MCTP1: variants seen among roughly 807,000 people sequenced by gnomAD.
The protein encoded by MCTP1 is multiple C2 and transmembrane domain containing 1.
Under a neutral mutation model 120.6 loss-of-function variants are expected in MCTP1, and 69 were observed. That is an observed-to-expected ratio of 0.57 (90% confidence interval 0.47 to 0.70). The LOEUF is 0.70. Ranked by LOEUF, MCTP1 falls within the 30% of genes least tolerant of loss-of-function variation. MCTP1 has a pLI of 0.00. For synonymous variants in MCTP1, 529 were observed against 493.1 expected (o/e 1.07, Z -0.96); for missense variants, 1,203 against 1,248.8 (o/e 0.96, Z 0.55).
At chr5:94,757,088 A>G (rs775347596) in intron 19 of MCTP1, among the ~76,000 whole-genome samples, 55 of 152,276 alleles carry the variant, frequency 3.6e-4, no homozygotes, top group Admixed American at 1.6e-3. Context: ...GACAGAACCT[A>G]CCTAATAGAG....
At chr5:94,927,707 A>G (rs1561872149) in intron 6 of MCTP1, among the ~76,000 whole-genome samples, 1 of 152,194 alleles carries the variant, frequency 6.6e-6, no homozygotes, top group African/African-American at 2.4e-5. Flanking sequence ...CGTTAGTTAA[A>G]TTAAAGCACT....
At chr5:95,004,915 C>A (rs1311644072) in intron 2 of MCTP1, among the ~76,000 whole-genome samples, 2 of 152,160 alleles carry the variant, frequency 1.3e-5, no homozygotes. Context: ...AGAGGGCAAC[C>A]AGACTCCAGA....
intron 18 of MCTP1, among the ~76,000 whole-genome samples, chr5:94,786,752 T>C (rs1777799790): frequency 6.7e-6 from 1 of 150,372 alleles, no homozygotes; most frequent in Non-Finnish European, 1.5e-5. Flanking sequence ...TTAGGTAAGA[T>C]TTATGTTGAT....
chr5:95,161,726 A>T (rs991810424), intron 1 of MCTP1, among the ~76,000 whole-genome samples: 3 of 152,288 alleles, frequency 2.0e-5, no homozygotes, highest in Admixed American at 2.0e-4. Flanking sequence ...TAAAAATAAA[A>T]TTTAAAAAAA....
chr5:94,791,366 G>C (rs988577445), intron 18 of MCTP1, among the ~76,000 whole-genome samples: 1 of 151,780 alleles, frequency 6.6e-6, no homozygotes, highest in Non-Finnish European at 1.5e-5. Flanking sequence ...GCAGTGGCTC[G>C]CACCTGTTGT....
At chr5:94,820,142 A>C (rs1268026960) in intron 17 of MCTP1, among the ~76,000 whole-genome samples, 3 of 152,250 alleles carry the variant, frequency 2.0e-5, no homozygotes, top group Non-Finnish European at 2.9e-5. Flanking sequence ...GTTTCCTAAC[A>C]TATTGATGTC....
chr5:95,133,219 G>A (rs1276590377), intron 1 of MCTP1, among the ~76,000 whole-genome samples: 1 of 152,112 alleles, frequency 6.6e-6, no homozygotes, highest in Non-Finnish European at 1.5e-5. Context: ...ATCTACAGGG[G>A]ATATGTTTCA....
chr5:95,057,732 T>C (rs1452597548), intron 1 of MCTP1, among the ~76,000 whole-genome samples: 3 of 152,184 alleles, frequency 2.0e-5, no homozygotes, highest in South Asian at 2.1e-4. Flanking sequence ...TACCCAGATT[T>C]TTCCGAGAGC....
intron 12 of MCTP1, among the ~76,000 whole-genome samples, chr5:94,882,694 C>T (rs960500023): frequency 1.2e-4 from 19 of 152,002 alleles, no homozygotes; most frequent in African/African-American, 1.9e-4. Context: ...TTCTACAGAA[C>T]CTGATTAATT....
chr5:94,808,096 T>C (rs555016502), intron 17 of MCTP1, among the ~76,000 whole-genome samples: 1 of 152,222 alleles, frequency 6.6e-6, no homozygotes, highest in Admixed American at 6.5e-5. Context: ...CCATTTACAC[T>C]CACTCAAATT....
In MCTP1 at chr5:94,918,138, T is replaced by G. The variant is rs192834252; in HGVS notation, c.1273-165A>C. Among the ~76,000 whole-genome samples, 76 of 152,328 alleles carry G rather than the reference T, an allele frequency of 5.0e-4. No individual in the cohort carries two copies. The East Asian group carries it at 0.014, about 29-fold the overall frequency. ...AAAATGTCTTATAGCACAATGAAGA[T>G]AAATGTCAATGCAATTCTACATTTC... On this transcript the variant is annotated intron_variant, in intron 7 of 22. Coordinates refer to ENST00000515393, the MANE Select transcript of MCTP1 (RefSeq NM_024717.7).
chr5:95,044,166 T>C (rs1016707508), intron 1 of MCTP1, among the ~76,000 whole-genome samples: 1 of 152,128 alleles, frequency 6.6e-6, no homozygotes, highest in Non-Finnish European at 1.5e-5. Flanking sequence ...TGGAATGAAG[T>C]TCTAGGAGGA....
At chr5:94,716,094 C>T (rs1759161079) in intron 19 of MCTP1, among the ~76,000 whole-genome samples, 1 of 152,184 alleles carries the variant, frequency 6.6e-6, no homozygotes. Context: ...TGTGCCTCCT[C>T]CAAGGACAAC....
chr5:95,158,900 G>C (rs1407512212), intron 1 of MCTP1, among the ~76,000 whole-genome samples: 1 of 152,128 alleles, frequency 6.6e-6, no homozygotes, highest in Non-Finnish European at 1.5e-5. Flanking sequence ...CAGCCTGGGT[G>C]ATAGATCCAG....
chr5:95,000,127 G>A (rs1053097172), intron 2 of MCTP1, among the ~76,000 whole-genome samples: 1 of 152,158 alleles, frequency 6.6e-6, no homozygotes, highest in African/African-American at 2.4e-5. Context: ...TTATCACTTA[G>A]TGATGTTGCA....
intron 1 of MCTP1, among the ~76,000 whole-genome samples, chr5:95,207,409 T>C (rs1751750251): frequency 6.6e-6 from 1 of 152,188 alleles, no homozygotes; most frequent in South Asian, 2.1e-4. Context: ...GAGCTGTGTT[T>C]ACCCCAATCT....
intron 1 of MCTP1, among the ~76,000 whole-genome samples, chr5:95,064,659 G>C (rs183930452): frequency 5.9e-5 from 9 of 152,178 alleles, no homozygotes; most frequent in Non-Finnish European, 1.5e-5. Flanking sequence ...ACTCTACTCA[G>C]AGAAATTCTG....
At chr5:94,880,819 T>C (rs1799894678) in intron 12 of MCTP1, among the ~76,000 whole-genome samples, 1 of 152,178 alleles carries the variant, frequency 6.6e-6, no homozygotes, top group Admixed American at 6.6e-5. Flanking sequence ...CTTCACGTCA[T>C]GTATAAAATT....
chr5:95,078,579 G>T (rs1046413885), intron 1 of MCTP1, among the ~76,000 whole-genome samples: 16 of 152,068 alleles, frequency 1.1e-4, no homozygotes, highest in African/African-American at 3.9e-4. Context: ...TAAGAATGTT[G>T]CAGTCATTAA....
Sources: gnomAD v4.1 joint callset for allele counts (sites outside exome capture counted in the v4.1 genomes callset) on GRCh38, gnomAD v4.1.1 for gene constraint, MANE v1.5 for transcripts, NCBI Gene and HGNC (gene_info 2026-07-23, HGNC 2026-07-21) for gene names.